Variants in CAMK2D observed in about 807,000 individuals in gnomAD.
CAMK2D encodes calcium/calmodulin dependent protein kinase II delta.
Under a neutral mutation model 84.0 loss-of-function variants are expected in CAMK2D, and 37 were observed. That is an observed-to-expected ratio of 0.44 (90% CI 0.34 to 0.58). CAMK2D has a LOEUF of 0.58. Ranked by LOEUF, CAMK2D falls within the 20% of genes least tolerant of loss-of-function variation. The pLI is 0.02. For synonymous variants in CAMK2D, 202 were observed against 212.5 expected (o/e 0.95, Z 0.43); for missense variants, 448 against 652.5 (o/e 0.69, Z 3.41).
intron 4 of CAMK2D, among the ~76,000 whole-genome samples, chr4:113,598,741 C>CT (rs2098938579): frequency 6.6e-6 from 1 of 152,138 alleles, no homozygotes; most frequent in African/African-American, 2.4e-5. Context: ...AGTATAATGG[C>CT]TTGCAGTATC....
chr4:113,731,278 ACT>A (rs1234851946), intron 2 of CAMK2D, among the ~76,000 whole-genome samples: 4 of 152,164 alleles, frequency 2.6e-5, no homozygotes, highest in Non-Finnish European at 5.9e-5. Context: ...TCATTTTATA[ACT>A]CTGTGTATTA....
intron 2 of CAMK2D, among the ~76,000 whole-genome samples, chr4:113,669,524 T>C (rs1036316003): frequency 1.1e-4 from 17 of 152,050 alleles, no homozygotes; most frequent in Admixed American, 2.6e-4. Context: ...TAGATTTCCT[T>C]TGGAAGATCA....
chr4:113,739,612 A>G lies in CAMK2D; in HGVS notation c.160+19708T>C, dbSNP rs527416702. On this transcript the variant is annotated intron_variant, in intron 2 of 20. Transcript: ENST00000511664. Reference sequence around the variant, plus strand: ...AATAATTGACATGAGTAAAGAGATCATTCAATAATAGGTTGATGTTTCTTT... The same window carrying G: ...AATAATTGACATGAGTAAAGAGATCGTTCAATAATAGGTTGATGTTTCTTT... 2.0e-5 allele frequency among the ~76,000 whole-genome samples: 3 copies of G among 152,324 alleles called. No individual in the cohort carries two copies. The East Asian group carries it at 5.8e-4, about 29-fold the overall frequency.
At chr4:113,749,525 T>C (rs1421531119) in intron 2 of CAMK2D, among the ~76,000 whole-genome samples, 1 of 152,214 alleles carries the variant, frequency 6.6e-6, no homozygotes, top group South Asian at 2.1e-4. Flanking sequence ...AGTGTCACCA[T>C]ACTGCTTAAA....
rs536326442 is a variant in CAMK2D at position 113,625,688 on chromosome 4, G to A, written c.221-16482C>T. On this transcript the variant is annotated intron_variant, in intron 3 of 20. Transcript: ENST00000511664. ...GAGTATCGGGGGTGTGAGTATGAGG[G>A]GTTATACAGAGCCTTGGAGTATGCC... Among the ~76,000 whole-genome samples, 5 of 152,232 alleles carry A rather than the reference G, an allele frequency of 3.3e-5. No homozygotes were observed. In the South Asian group the frequency reaches 8.3e-4, roughly 25 times the overall value.
chr4:113,705,791 A>T (rs2099450097), intron 2 of CAMK2D, among the ~76,000 whole-genome samples: 1 of 152,220 alleles, frequency 6.6e-6, no homozygotes, highest in Admixed American at 6.5e-5. Flanking sequence ...TCTCTTGCTA[A>T]TAAGCCTCCT....
intron 16 of CAMK2D, among the ~76,000 whole-genome samples, chr4:113,495,239 A>T (rs886509154): frequency 6.6e-6 from 1 of 152,212 alleles, no homozygotes; most frequent in Non-Finnish European, 1.5e-5. Context: ...GTTATTATAC[A>T]CTACACTACA....
chr4:113,617,768 TG>T (rs1290347821), intron 3 of CAMK2D, among the ~76,000 whole-genome samples: 6 of 151,938 alleles, frequency 3.9e-5, no homozygotes, highest in Admixed American at 3.9e-4. Flanking sequence ...CCAGAATAGC[TG>T]GGATTACACA....
At chr4:113,509,232 T>A (rs2098175522) in intron 13 of CAMK2D, among the ~76,000 whole-genome samples, 2 of 152,188 alleles carry the variant, frequency 1.3e-5, no homozygotes, top group African/African-American at 4.8e-5. Flanking sequence ...CATACCCAAA[T>A]GTGAGTATTT....
intron 4 of CAMK2D, among the ~76,000 whole-genome samples, chr4:113,600,853 T>A (rs2098948997): frequency 6.6e-6 from 1 of 152,192 alleles, no homozygotes; most frequent in African/African-American, 2.4e-5. Flanking sequence ...CAGGCTGATC[T>A]TTAAGTCCTA....
chr4:113,571,226 T>C (rs1422656360), intron 4 of CAMK2D, among the ~76,000 whole-genome samples: 1 of 152,146 alleles, frequency 6.6e-6, no homozygotes, highest in Non-Finnish European at 1.5e-5. Flanking sequence ...TGGAAAATAG[T>C]GTGACAGTGC....
chr4:113,581,783 T>C (rs1038471152), intron 4 of CAMK2D, among the ~76,000 whole-genome samples: 1 of 152,140 alleles, frequency 6.6e-6, no homozygotes, highest in Non-Finnish European at 1.5e-5. Context: ...TTAAGAACAT[T>C]AAATGTCATT....
intron 16 of CAMK2D, among the ~76,000 whole-genome samples, chr4:113,500,192 CATT>C (rs922502777): frequency 4.6e-5 from 7 of 151,998 alleles, no homozygotes; most frequent in African/African-American, 7.2e-5. Context: ...ACTAGTAACT[CATT>C]ATTAGTTGTC....
chr4:113,760,183 A>G (rs9992618), intron 1 of CAMK2D, among the ~76,000 whole-genome samples: 1,649 of 152,288 alleles, frequency 0.011, 24 homozygotes, highest in African/African-American at 0.038. Flanking sequence ...GTCCCTTTGC[A>G]TAAGTCCTCA....
chr4:113,548,876 CAAAT>C, intron 5 of CAMK2D: 1 of 553,496 alleles, frequency 1.8e-6, no homozygotes. Context: ...ACGTTGGAAT[CAAAT>C]AAAGCTGAAT....
At position 113,458,226 on chromosome 4, in the gene CAMK2D, C is replaced by T. The variant is rs368602555; in HGVS notation, c.1307-663G>A. On this transcript the variant is annotated intron_variant, in intron 18 of 20. Coordinates refer to ENST00000511664, the MANE Select transcript of CAMK2D (RefSeq NM_001321571.2). ...ACATAGCCTGATTCTGGTCTTCCAGCTCTTTCCCTTGACTGAGTAGCCCTC... is the reference window on the plus strand; with the variant it reads ...ACATAGCCTGATTCTGGTCTTCCAGTTCTTTCCCTTGACTGAGTAGCCCTC... Among the ~76,000 whole-genome samples the T allele has an allele frequency of 4.6e-5, 7 of 152,314 alleles. No homozygotes were observed. The East Asian group carries it at 7.7e-4, about 17-fold the overall frequency.
intron 4 of CAMK2D, among the ~76,000 whole-genome samples, chr4:113,607,307 T>C (rs1046353833): frequency 6.6e-5 from 10 of 152,124 alleles, no homozygotes; most frequent in African/African-American, 1.9e-4. Flanking sequence ...GAACTGGGAC[T>C]GTGGAGAGGA....
At chr4:113,738,771 G>T (rs2099586771) in intron 2 of CAMK2D, among the ~76,000 whole-genome samples, 1 of 151,892 alleles carries the variant, frequency 6.6e-6, no homozygotes, top group South Asian at 2.1e-4. Context: ...GAAAATTTTG[G>T]GGGAAGAGTC....
Position 113,464,700 on chromosome 4 carries a change from T to C in CAMK2D, c.1211+829A>G, listed in dbSNP as rs531013506. 3.3e-5 allele frequency among the ~76,000 whole-genome samples: 5 copies of C among 152,308 alleles called. No homozygotes were observed. The South Asian group carries it at 1.0e-3, about 32-fold the overall frequency. On this transcript the variant is annotated intron_variant, in intron 17 of 20. Coordinates refer to ENST00000511664, the MANE Select transcript of CAMK2D (RefSeq NM_001321571.2). ...ATTAAAACCCATTCTTCAAGTAAAG[T>C]TTTCCTTAAGATACAAACATATAAA...
Sources: allele counts gnomAD v4.1 joint callset (sites outside exome capture counted in the v4.1 genomes callset), GRCh38; gene constraint gnomAD v4.1.1; transcripts MANE v1.5; gene names NCBI Gene and HGNC (gene_info 2026-07-23, HGNC 2026-07-21).